Variants in NRXN3 observed in about 807,000 individuals in gnomAD.
The protein encoded by NRXN3 is neurexin III.
A neutral mutation model predicts 137.6 loss-of-function variants in NRXN3; 32 were observed. The ratio of observed to expected loss-of-function variants is 0.23; its 90% CI spans 0.18 to 0.31. The LOEUF is 0.31. Among genes scored for constraint, NRXN3 ranks in the 10% least tolerant of loss-of-function variants. The pLI, the probability that NRXN3 is intolerant of heterozygous loss-of-function variation, is 1.00. For synonymous variants in NRXN3, 798 were observed against 784.5 expected (o/e 1.02, Z -0.29); for missense variants, 1,574 against 2,062.5 (o/e 0.76, Z 4.59).
chr14:78,765,720 T>C (rs2098706715), intron 8 of NRXN3, among the ~76,000 whole-genome samples: 1 of 149,800 alleles, frequency 6.7e-6, no homozygotes, highest in Non-Finnish European at 1.5e-5. Context: ...AGTGAATAAA[T>C]GTTGATATAT....
Position 78,794,146 on chromosome 14 carries a change from C to T in NRXN3, c.2045-9474C>T, listed in dbSNP as rs946250976. On this transcript the variant is annotated intron_variant, in intron 8 of 20. Coordinates refer to ENST00000335750, the MANE Select transcript of NRXN3 (RefSeq NM_001330195.2). ...CCGTAATCACAACACTTTGGGAGGCCGAGGCGGGTAGATCACCCGAGAGGT... is the reference window on the plus strand; with the variant it reads ...CCGTAATCACAACACTTTGGGAGGCTGAGGCGGGTAGATCACCCGAGAGGT... 2.0e-5 allele frequency among the ~76,000 whole-genome samples: 3 copies of T among 152,134 alleles called. No individual in the cohort carries two copies. The East Asian group carries it at 5.8e-4, about 29-fold the overall frequency.
In NRXN3 at chr14:79,529,103, C is replaced by T. The variant is rs1601687738; in HGVS notation, c.3444+61701C>T. ...TTGTAAAAGGAAGGGCTTTATTCAGCTGGGAGTATGGGCCAGCTACTCTCT... is the reference window on the plus strand; with the variant it reads ...TTGTAAAAGGAAGGGCTTTATTCAGTTGGGAGTATGGGCCAGCTACTCTCT... On this transcript the variant is annotated intron_variant, in intron 16 of 20. Coordinates refer to ENST00000335750, the MANE Select transcript of NRXN3 (RefSeq NM_001330195.2). 2.6e-5 allele frequency among the ~76,000 whole-genome samples: 4 copies of T among 152,254 alleles called. No individual in the cohort carries two copies. The South Asian group carries it at 8.3e-4, about 32-fold the overall frequency.
At chr14:79,287,165 T>C (rs1164163900) in intron 15 of NRXN3, among the ~76,000 whole-genome samples, 1 of 152,192 alleles carries the variant, frequency 6.6e-6, no homozygotes, top group Non-Finnish European at 1.5e-5. Flanking sequence ...AGAGATTATT[T>C]CATTTACATA....
chr14:78,202,195 G>T (rs1308149882), intron 1 of NRXN3, among the ~76,000 whole-genome samples: 1 of 152,204 alleles, frequency 6.6e-6, no homozygotes, highest in Non-Finnish European at 1.5e-5. Flanking sequence ...GAAACGAAAG[G>T]CTGGGTCATT....
At chr14:78,606,895 G>A (rs147044778) in intron 4 of NRXN3, among the ~76,000 whole-genome samples, 1 of 152,318 alleles carries the variant, frequency 6.6e-6, no homozygotes, top group Non-Finnish European at 1.5e-5. Context: ...AAACCTAAGT[G>A]TCTCAATAGA....
intron 15 of NRXN3, among the ~76,000 whole-genome samples, chr14:79,248,103 G>A: frequency 6.6e-6 from 1 of 152,152 alleles, no homozygotes; most frequent in Non-Finnish European, 1.5e-5. Flanking sequence ...AAGTAGCTCA[G>A]ACTACAGGCG....
At chr14:79,817,294 C>T (rs1176089333) in intron 20 of NRXN3, among the ~76,000 whole-genome samples, 5 of 152,188 alleles carry the variant, frequency 3.3e-5, no homozygotes, top group Non-Finnish European at 1.5e-5. Flanking sequence ...CTCAAGTGAT[C>T]TGCCTGCCTT....
chr14:78,387,189 C>G (rs927557486), intron 4 of NRXN3, among the ~76,000 whole-genome samples: 1 of 152,120 alleles, frequency 6.6e-6, no homozygotes, highest in African/African-American at 2.4e-5. Context: ...TTTTATACTT[C>G]AAGTCATTTC....
chr14:79,039,510 A>G (rs2099621646), intron 15 of NRXN3, among the ~76,000 whole-genome samples: 1 of 152,044 alleles, frequency 6.6e-6, no homozygotes, highest in South Asian at 2.1e-4. Context: ...GGACCCAATT[A>G]TGCATGCCTC....
At chr14:79,263,590 C>T (rs573255743) in intron 15 of NRXN3, among the ~76,000 whole-genome samples, 1 of 152,108 alleles carries the variant, frequency 6.6e-6, no homozygotes, top group South Asian at 2.1e-4. Flanking sequence ...TTGAATTTCT[C>T]CTCTGTAAAA....
At chr14:78,746,483 A>G (rs1484304402) in intron 8 of NRXN3, among the ~76,000 whole-genome samples, 1 of 152,158 alleles carries the variant, frequency 6.6e-6, no homozygotes, top group African/African-American at 2.4e-5. Flanking sequence ...ACTCTGTGAG[A>G]TTTAGGAAGA....
chr14:79,632,211 TGAACATGTCC>T (rs765161724), intron 16 of NRXN3: 1 of 153,762 alleles, frequency 6.5e-6, no homozygotes, highest in Non-Finnish European at 1.4e-5. Context: ...GAAGAAACTC[TGAACATGTCC>T]GAACATCGGA....
chr14:79,043,635 C>T (rs533850021), intron 15 of NRXN3, among the ~76,000 whole-genome samples: 1 of 152,260 alleles, frequency 6.6e-6, no homozygotes, highest in African/African-American at 2.4e-5. Flanking sequence ...CCCGGGACAG[C>T]TCCTGCTGTA....
intron 1 of NRXN3, among the ~76,000 whole-genome samples, chr14:78,197,084 G>A (rs550293589): frequency 6.6e-6 from 1 of 152,212 alleles, no homozygotes; most frequent in African/African-American, 2.4e-5. Flanking sequence ...TGGAGCTGCG[G>A]AAGTGTGGCA....
chr14:79,750,752 A>G (rs1469799229), intron 19 of NRXN3, among the ~76,000 whole-genome samples: 3 of 152,134 alleles, frequency 2.0e-5, no homozygotes, highest in Non-Finnish European at 4.4e-5. Flanking sequence ...ACTTCTGTGG[A>G]GTCGCAAGGA....
At chr14:78,175,276 G>C (rs929762468) in intron 1 of NRXN3, among the ~76,000 whole-genome samples, 2 of 152,194 alleles carry the variant, frequency 1.3e-5, no homozygotes, top group African/African-American at 4.8e-5. Context: ...ACCCTGAGGA[G>C]TTAGGGAGAC....
intron 16 of NRXN3, among the ~76,000 whole-genome samples, chr14:79,593,769 T>C (rs1470956317): frequency 6.6e-6 from 1 of 152,156 alleles, no homozygotes; most frequent in Non-Finnish European, 1.5e-5. Flanking sequence ...TAATTTTCAA[T>C]TTGATGGATT....
At chr14:79,389,670 C>T (rs1167174438) in intron 15 of NRXN3, among the ~76,000 whole-genome samples, 2 of 152,208 alleles carry the variant, frequency 1.3e-5, no homozygotes, top group Non-Finnish European at 2.9e-5. Context: ...AATTGTCATA[C>T]ATGCTCCTTT....
chr14:79,569,316 T>C (rs1425687309), intron 16 of NRXN3, among the ~76,000 whole-genome samples: 1 of 152,112 alleles, frequency 6.6e-6, no homozygotes, highest in Non-Finnish European at 1.5e-5. Flanking sequence ...AACACATCTA[T>C]GTATTCATTG....
Sources: allele counts gnomAD v4.1 joint callset (sites outside exome capture counted in the v4.1 genomes callset), GRCh38; gene constraint gnomAD v4.1.1; transcripts MANE v1.5; gene names NCBI Gene and HGNC (gene_info 2026-07-23, HGNC 2026-07-21).